Variants in KCNMB2 observed in about 807,000 individuals in gnomAD.
The protein encoded by KCNMB2 is calcium-activated potassium channel subunit beta-2.
In KCNMB2, 9 loss-of-function variants were observed where a neutral mutation model predicts 24.5. The ratio of observed to expected loss-of-function variants is 0.37; its 90% CI spans 0.22 to 0.64. The LOEUF (loss-of-function observed/expected upper bound fraction) is 0.64. Among genes scored for constraint, KCNMB2 ranks in the 30% least tolerant of loss-of-function variants. The pLI is 0.63. For missense variants in KCNMB2, 226 were observed against 284.3 expected (o/e 0.79, Z 1.47); for synonymous variants, 109 against 104.4 (o/e 1.04, Z -0.27).
chr3:178,762,960 ATATG>A (rs1294449939), intron 1 of KCNMB2, among the ~76,000 whole-genome samples: 1 of 152,050 alleles, frequency 6.6e-6, no homozygotes, highest in Non-Finnish European at 1.5e-5. Context: ...AGGCAGAAGT[ATATG>A]TGAGTCTAGA....
At chr3:178,734,213 T>C (rs1453467739) in intron 1 of KCNMB2, among the ~76,000 whole-genome samples, 1 of 152,232 alleles carries the variant, frequency 6.6e-6, no homozygotes, top group Non-Finnish European at 1.5e-5. Context: ...AAGGTAATTT[T>C]AGACAATATT....
At chr3:178,613,628 G>A (rs1352962557) in intron 1 of KCNMB2, among the ~76,000 whole-genome samples, 1 of 152,128 alleles carries the variant, frequency 6.6e-6, no homozygotes, top group African/African-American at 2.4e-5. Flanking sequence ...AAGTTCAGCA[G>A]TTTAAATATG....
intron 1 of KCNMB2, among the ~76,000 whole-genome samples, chr3:178,796,128 C>G (rs544355324): frequency 1.3e-5 from 2 of 151,876 alleles, no homozygotes; most frequent in Non-Finnish European, 2.9e-5. Flanking sequence ...AACCAGCTTA[C>G]AGAAACTTGG....
At chr3:178,589,581 C>G (rs1717587535) in intron 1 of KCNMB2, among the ~76,000 whole-genome samples, 2 of 152,122 alleles carry the variant, frequency 1.3e-5, no homozygotes, top group African/African-American at 4.8e-5. Flanking sequence ...TGGGCTGAAG[C>G]AATCCTCCAG....
At chr3:178,556,201 C>T (rs1252202068) in intron 1 of KCNMB2, among the ~76,000 whole-genome samples, 1 of 152,038 alleles carries the variant, frequency 6.6e-6, no homozygotes, top group East Asian at 1.9e-4. Context: ...GGAAGAACAT[C>T]CAGATGAGGA....
At chr3:178,658,471 G>C (rs7652997) in intron 1 of KCNMB2, among the ~76,000 whole-genome samples, 1 of 151,832 alleles carries the variant, frequency 6.6e-6, no homozygotes, top group East Asian at 1.9e-4. Context: ...CACATTTTAC[G>C]CTGTCAGGAA....
chr3:178,605,090 A>T (rs1718225248), intron 1 of KCNMB2, among the ~76,000 whole-genome samples: 1 of 152,170 alleles, frequency 6.6e-6, no homozygotes. Context: ...TACAGACTGA[A>T]TGTTTGTGTT....
At chr3:178,537,928 T>A (rs1560102148) in intron 1 of KCNMB2, among the ~76,000 whole-genome samples, 1 of 152,220 alleles carries the variant, frequency 6.6e-6, no homozygotes, top group East Asian at 1.9e-4. Flanking sequence ...AAGAATGCAA[T>A]ATTCTTCAAA....
chr3:178,722,616 G>T (rs895846228), intron 1 of KCNMB2, among the ~76,000 whole-genome samples: 1 of 152,056 alleles, frequency 6.6e-6, no homozygotes, highest in Non-Finnish European at 1.5e-5. Flanking sequence ...ACCTTTGGCG[G>T]GGCACGGTGA....
At chr3:178,649,683 G>T (rs1003380483) in intron 1 of KCNMB2, among the ~76,000 whole-genome samples, 1 of 151,864 alleles carries the variant, frequency 6.6e-6, no homozygotes, top group African/African-American at 2.4e-5. Flanking sequence ...TTCTCTGATG[G>T]TAGTTTGTAT....
chr3:178,583,391 G>C (rs541276775), intron 1 of KCNMB2, among the ~76,000 whole-genome samples: 2 of 152,074 alleles, frequency 1.3e-5, no homozygotes, highest in African/African-American at 4.8e-5. Flanking sequence ...ATATAAAAAG[G>C]GAACCTAATA....
intron 1 of KCNMB2, among the ~76,000 whole-genome samples, chr3:178,574,896 C>A (rs554567680): frequency 6.6e-6 from 1 of 152,034 alleles, no homozygotes; most frequent in Non-Finnish European, 1.5e-5. Context: ...GCTGAAACCC[C>A]GTCTCTACTA....
chr3:178,657,045 C>G lies in KCNMB2; in HGVS notation c.-68+120334C>G, dbSNP rs116214052. 1.2e-3 allele frequency among the ~76,000 whole-genome samples: 189 copies of G among 152,294 alleles called. 1 individual carries two copies. The highest frequency in any genetic ancestry group is 4.4e-3 in the African/African-American group (183 of 41,562). ...CCGCCACTTGCCTGCTAGATGCTCT[C>G]TGTCTCTCAGTACCTCAGTTGTTAT... On this transcript the variant is annotated intron_variant, in intron 1 of 4. Transcript: ENST00000452583.
At chr3:178,573,253 C>A (rs557358832) in intron 1 of KCNMB2, among the ~76,000 whole-genome samples, 1 of 152,140 alleles carries the variant, frequency 6.6e-6, no homozygotes, top group African/African-American at 2.4e-5. Context: ...AGGTGATCCA[C>A]CTGCTTCAGC....
chr3:178,737,336 T>C (rs1455141634), intron 1 of KCNMB2, among the ~76,000 whole-genome samples: 1 of 152,164 alleles, frequency 6.6e-6, no homozygotes, highest in Non-Finnish European at 1.5e-5. Context: ...CCACTAATGG[T>C]GCTAGGTATG....
intron 1 of KCNMB2, among the ~76,000 whole-genome samples, chr3:178,564,540 TA>T (rs1443949969): frequency 6.6e-6 from 1 of 152,206 alleles, no homozygotes; most frequent in African/African-American, 2.4e-5. Context: ...CAGATGGGAA[TA>T]AAGATTTATC....
chr3:178,559,501 TAG>T (rs1716239813), intron 1 of KCNMB2, among the ~76,000 whole-genome samples: 1 of 151,868 alleles, frequency 6.6e-6, no homozygotes, highest in Admixed American at 6.6e-5. Context: ...TATAAGCATC[TAG>T]ATGACTCTAT....
rs895938003 is a variant in KCNMB2 at position 178,646,578 on chromosome 3, GAAGT to G, written c.-68+109871_-68+109874del. On this transcript the variant is annotated intron_variant, in intron 1 of 4. Transcript: ENST00000452583. ...GGGAAAGCATGACACTCACTGTAAA[GAAGT>G]AAGAACCTGCTATTGTAAGCGAGGC... 8.5e-4 allele frequency among the ~76,000 whole-genome samples: 129 copies of G among 152,208 alleles called. 3 individuals are homozygous for G. Among genetic ancestry groups the G allele is most frequent in the Admixed American group, 8.4e-3 (128 of 15,272 alleles).
intron 1 of KCNMB2, among the ~76,000 whole-genome samples, chr3:178,549,314 T>A (rs979871126): frequency 2.7e-5 from 4 of 149,924 alleles, no homozygotes; most frequent in Non-Finnish European, 4.5e-5. Flanking sequence ...ATTTTCTTTT[T>A]TTTTTTTTTT....
Sources: gnomAD v4.1 joint callset for allele counts (sites outside exome capture counted in the v4.1 genomes callset) on GRCh38, gnomAD v4.1.1 for gene constraint, MANE v1.5 for transcripts, NCBI Gene and HGNC (gene_info 2026-07-23, HGNC 2026-07-21) for gene names.